Variants in MAMDC2 observed in about 807,000 individuals in gnomAD.
MAMDC2 encodes the protein MAM domain containing 2.
In MAMDC2, 57 loss-of-function variants were observed where a neutral mutation model predicts 89.8. The ratio of observed to expected loss-of-function variants is 0.63; its 90% CI spans 0.51 to 0.79. The LOEUF (loss-of-function observed/expected upper bound fraction) is 0.79. MAMDC2 is among the 30% of genes least tolerant of loss of function. MAMDC2 has a pLI of 0.00. For synonymous variants in MAMDC2, 313 were observed against 293.4 expected (o/e 1.07, Z -0.68); for missense variants, 800 against 820.6 (o/e 0.97, Z 0.31).
Position 70,126,255 on chromosome 9 carries a change from T to C in MAMDC2, c.740T>C (p.Leu247Pro). ...ACCACGGCCCCCATGGCTGGCTGCC[T>C]GTCATTTTATTACCAGATCCAGCAG... ...PLTTAPMAGC[L>P]SFYYQIQQGN... Residue 247 changes from leucine to proline, a missense_variant, in exon 6 of 14, where the codon CTG (leucine) becomes CCG (proline). Coordinates refer to ENST00000377182, the MANE Select transcript of MAMDC2 (RefSeq NM_153267.5). The C allele has an allele frequency of 1.2e-6, 2 of 1,614,200 alleles. No individual in the cohort carries two copies. Among genetic ancestry groups the C allele is most frequent in the Non-Finnish European group, 1.7e-6 (2 of 1,180,034 alleles).
intron 11 of MAMDC2, among the ~76,000 whole-genome samples, chr9:70,193,665 A>ATACAT (rs1207270088): frequency 6.6e-6 from 1 of 152,154 alleles, no homozygotes; most frequent in East Asian, 1.9e-4. Flanking sequence ...TTTCTTTGCT[A>ATACAT]TACATTAGTA....
At chr9:70,104,275 A>G (rs1378341417) in intron 2 of MAMDC2, among the ~76,000 whole-genome samples, 1 of 152,162 alleles carries the variant, frequency 6.6e-6, no homozygotes, top group Non-Finnish European at 1.5e-5. Flanking sequence ...ACTAAAATTA[A>G]AAAAAAGATG....
intron 2 of MAMDC2, among the ~76,000 whole-genome samples, chr9:70,093,541 T>C (rs1827956482): frequency 6.6e-6 from 1 of 151,340 alleles, no homozygotes; most frequent in African/African-American, 2.4e-5. Context: ...TTCTCCTTCC[T>C]CAGCCTCCCA....
Position 70,218,714 on chromosome 9 carries a change from C to T in MAMDC2, c.1911+118C>T. 2.6e-6 allele frequency: 3 copies of T among 1,161,094 alleles called. No homozygotes were observed. The South Asian group carries it at 5.6e-5, about 22-fold the overall frequency. 71.9% of individuals were successfully genotyped at this position (1,161,094 alleles called of 1,614,324 possible). ...TCTTTTTCAGGGTCATAGACAAAGG[C>T]AGGATTAAGAGGGAGTAAACATAAT... On this transcript the variant is annotated intron_variant, in intron 12 of 13. Transcript: ENST00000377182.
chr9:70,183,631 T>C (rs2032689616), intron 11 of MAMDC2, among the ~76,000 whole-genome samples: 1 of 152,220 alleles, frequency 6.6e-6, no homozygotes, highest in Admixed American at 6.5e-5. Flanking sequence ...TCTTTGTTGG[T>C]TTAAAGTCTG....
At chr9:70,176,849 T>C (rs943539) in intron 11 of MAMDC2, among the ~76,000 whole-genome samples, 119,244 of 152,124 alleles carry the variant, frequency 0.78, 46,875 homozygotes, top group Admixed American at 0.83. Flanking sequence ...GGAAATATAA[T>C]ATCAGTGATT....
At chr9:70,132,102 G>T (rs2030832142) in intron 7 of MAMDC2, among the ~76,000 whole-genome samples, 1 of 152,184 alleles carries the variant, frequency 6.6e-6, no homozygotes, top group Non-Finnish European at 1.5e-5. Flanking sequence ...TAGCTAAATA[G>T]CATGTGCTCT....
At chr9:70,192,433 C>T (rs2032898824) in intron 11 of MAMDC2, among the ~76,000 whole-genome samples, 1 of 152,102 alleles carries the variant, frequency 6.6e-6, no homozygotes, top group South Asian at 2.1e-4. Context: ...TGTGTCTGGC[C>T]TCTTACAACA....
At chr9:70,155,619 C>T (rs1208017601) in intron 9 of MAMDC2, among the ~76,000 whole-genome samples, 1 of 152,168 alleles carries the variant, frequency 6.6e-6, no homozygotes, top group Non-Finnish European at 1.5e-5. Flanking sequence ...CCTTTCATCT[C>T]AGTACCCATT....
chr9:70,044,569 G>A lies in MAMDC2; in HGVS notation c.35-15G>A, dbSNP rs1385419547. ...CTGGGTGGAGCTCGAACTGAAACTCGCTTTGTGCCCGCAGCCCTGCAGCTC... is the reference window on the plus strand; with the variant it reads ...CTGGGTGGAGCTCGAACTGAAACTCACTTTGTGCCCGCAGCCCTGCAGCTC... On this transcript the variant is annotated splice_polypyrimidine_tract_variant and intron_variant, in intron 1 of 13. Coordinates refer to ENST00000377182, the MANE Select transcript of MAMDC2 (RefSeq NM_153267.5). The A allele has an allele frequency of 2.6e-6, 4 of 1,546,664 alleles. No individual in the cohort carries two copies. Among genetic ancestry groups the A allele is most frequent in the Non-Finnish European group, 3.5e-6 (4 of 1,145,502 alleles).
chr9:70,056,332 T>C (rs886476223), intron 2 of MAMDC2, among the ~76,000 whole-genome samples: 2 of 152,192 alleles, frequency 1.3e-5, no homozygotes, highest in Non-Finnish European at 2.9e-5. Context: ...AACTTTAAAG[T>C]ATAAGCTTTA....
chr9:70,099,980 AAGAGAGAG>A (rs60292765), intron 2 of MAMDC2, among the ~76,000 whole-genome samples: 12,072 of 115,490 alleles, frequency 0.1, 682 homozygotes, highest in South Asian at 0.24. Context: ...GCCAAAAAGA[AAGAGAGAG>A]AGAGAGAGAG....
rs1364071797 is a variant in MAMDC2 at position 70,218,537 on chromosome 9, G to A, written c.1852G>A (p.Glu618Lys). The A allele has an allele frequency of 6.2e-7, 1 of 1,614,172 alleles. No individual in the cohort carries two copies. Among genetic ancestry groups the A allele is most frequent in the Non-Finnish European group, 8.5e-7 (1 of 1,180,020 alleles). The change falls in exon 12 of 14, where the codon GAA becomes AAA. Residue 618 changes from glutamate (E) to lysine (K), a missense_variant. Glu to Lys is a moderately conservative substitution (Grantham distance 56). Coordinates refer to ENST00000377182, the MANE Select transcript of MAMDC2 (RefSeq NM_153267.5). ...GTCCCTCTTATGGAGGAGAAGAGGT[G>A]AACAGAGCATTTCCTGGCTACGAGC... is the stretch of plus-strand genomic sequence containing the variant. ...EESLLWRRRG[E>K]QSISWLRALI...
At chr9:70,046,205 G>T (rs556502528) in intron 2 of MAMDC2, among the ~76,000 whole-genome samples, 3 of 152,182 alleles carry the variant, frequency 2.0e-5, no homozygotes, top group Non-Finnish European at 4.4e-5. Context: ...CTGATTCAGG[G>T]GGCCTGAGAA....
intron 10 of MAMDC2, 39 bp downstream of exon 10, chr9:70,168,834 C>A: frequency 6.8e-7 from 1 of 1,466,698 alleles, no homozygotes; most frequent in African/African-American, 1.4e-5. Flanking sequence ...TCTCTCTGAC[C>A]TATACATACA....
chr9:70,062,989 T>A (rs1827182609), intron 2 of MAMDC2: 1 of 152,100 alleles, frequency 6.6e-6, no homozygotes, highest in East Asian at 1.9e-4. Flanking sequence ...TTAAAATAAA[T>A]GACTAGGCGT....
chr9:70,192,146 T>C lies in MAMDC2; in HGVS notation c.1651+21515T>C, dbSNP rs1272349944. 2.0e-5 allele frequency among the ~76,000 whole-genome samples: 3 copies of C among 152,218 alleles called. No individual in the cohort carries two copies. The East Asian group carries it at 5.8e-4, about 29-fold the overall frequency. Reference sequence around the variant, plus strand: ...CTAAGCTCATTTCACTGACCTTCCATTTTTTCTTAGATCTTGATCCCTCAT... The same window carrying C: ...CTAAGCTCATTTCACTGACCTTCCACTTTTTCTTAGATCTTGATCCCTCAT... On this transcript the variant is annotated intron_variant, in intron 11 of 13. Transcript: ENST00000377182.
intron 9 of MAMDC2, among the ~76,000 whole-genome samples, chr9:70,150,334 G>C (rs2031544583): frequency 6.6e-6 from 1 of 152,178 alleles, no homozygotes; most frequent in Non-Finnish European, 1.5e-5. Context: ...GGCTGTTGTG[G>C]GTGGTTTAAT....
chr9:70,088,843 G>C (rs913726513), intron 2 of MAMDC2: 18 of 152,002 alleles, frequency 1.2e-4, no homozygotes, highest in African/African-American at 3.9e-4. Context: ...AGAATTTGAG[G>C]AGACTGCTAT....
Sources: gnomAD v4.1 joint callset for allele counts (sites outside exome capture counted in the v4.1 genomes callset) on GRCh38, gnomAD v4.1.1 for gene constraint, MANE v1.5 for transcripts, NCBI Gene and HGNC (gene_info 2026-07-23, HGNC 2026-07-21) for gene names.